Variants in LRFN5 observed in about 807,000 individuals in gnomAD.
LRFN5 encodes leucine-rich repeat and fibronectin type-III domain-containing protein 5.
LRFN5 carries 24 observed loss-of-function variants against 45.6 expected under a neutral mutation model. The ratio of observed to expected loss-of-function variants is 0.53; its 90% CI spans 0.38 to 0.74. LRFN5 has a LOEUF of 0.74. Among genes scored for constraint, LRFN5 ranks in the 30% least tolerant of loss-of-function variants. The pLI is 0.00. For synonymous variants in LRFN5, 340 were observed against 313.8 expected (o/e 1.08, Z -0.88); for missense variants, 776 against 861.5 (o/e 0.90, Z 1.24).
At chr14:41,797,921 G>T (rs1356872628) in intron 2 of LRFN5, among the ~76,000 whole-genome samples, 2 of 151,442 alleles carry the variant, frequency 1.3e-5, no homozygotes, top group South Asian at 2.1e-4. Flanking sequence ...AAATTTGTTG[G>T]TTTTATTTTT....
chr14:41,819,013 A>G (rs1888020369), intron 2 of LRFN5, among the ~76,000 whole-genome samples: 1 of 152,104 alleles, frequency 6.6e-6, no homozygotes, highest in African/African-American at 2.4e-5. Flanking sequence ...TTTTTGAGTT[A>G]TTTTACTTAA....
At chr14:41,662,571 A>T (rs527527019) in intron 1 of LRFN5, among the ~76,000 whole-genome samples, 3 of 152,086 alleles carry the variant, frequency 2.0e-5, no homozygotes, top group South Asian at 2.1e-4. Flanking sequence ...GAGGATAATT[A>T]AAAAAATATG....
At chr14:41,631,471 C>G (rs1257053980) in intron 1 of LRFN5, among the ~76,000 whole-genome samples, 1 of 151,856 alleles carries the variant, frequency 6.6e-6, no homozygotes, top group African/African-American at 2.4e-5. Context: ...TCCCTATTAT[C>G]CAGAGCTTAC....
intron 4 of LRFN5, chr14:41,893,596 G>A: frequency 1.0e-6 from 1 of 985,316 alleles, no homozygotes; most frequent in Non-Finnish European, 1.2e-6. Flanking sequence ...AGTGAGGAAT[G>A]TGGAATCGTT....
chr14:41,708,726 T>TG (rs995024903), intron 1 of LRFN5, among the ~76,000 whole-genome samples: 14 of 151,748 alleles, frequency 9.2e-5, no homozygotes, highest in African/African-American at 3.4e-4. Flanking sequence ...TCCTTTTTTT[T>TG]TTTACGTTTT....
At chr14:41,880,919 T>C (rs774251454) in intron 2 of LRFN5, among the ~76,000 whole-genome samples, 2 of 152,222 alleles carry the variant, frequency 1.3e-5, no homozygotes, top group Non-Finnish European at 2.9e-5. Context: ...TTTTCTAATT[T>C]ATAGCCACAT....
intron 2 of LRFN5, among the ~76,000 whole-genome samples, chr14:41,769,325 T>C (rs1885997457): frequency 6.6e-6 from 1 of 152,194 alleles, no homozygotes. Context: ...TTTTTCTCAC[T>C]CTGGCATTTC....
chr14:41,669,201 A>T (rs1465760844), intron 1 of LRFN5, among the ~76,000 whole-genome samples: 1 of 151,986 alleles, frequency 6.6e-6, no homozygotes, highest in East Asian at 1.9e-4. Context: ...TTACTAATAT[A>T]AGAGGAAAAC....
chr14:41,683,681 A>C (rs1175749527), intron 1 of LRFN5, among the ~76,000 whole-genome samples: 1 of 152,188 alleles, frequency 6.6e-6, no homozygotes, highest in East Asian at 1.9e-4. Flanking sequence ...AAATCACCAA[A>C]GTAACCTCAT....
intron 1 of LRFN5, among the ~76,000 whole-genome samples, chr14:41,647,792 T>G (rs1879888963): frequency 1.3e-5 from 2 of 152,016 alleles, no homozygotes; most frequent in Non-Finnish European, 2.9e-5. Flanking sequence ...GTTTTTGAAG[T>G]GATTGGATGA....
chr14:41,735,670 T>A (rs1884396387), intron 1 of LRFN5, among the ~76,000 whole-genome samples: 3 of 152,156 alleles, frequency 2.0e-5, no homozygotes, highest in Non-Finnish European at 2.9e-5. Flanking sequence ...GTTTGTTATA[T>A]AGGAATACAA....
chr14:41,781,739 T>A (rs1886536559), intron 2 of LRFN5, among the ~76,000 whole-genome samples: 2 of 146,026 alleles, frequency 1.4e-5, no homozygotes, highest in South Asian at 2.2e-4. Context: ...AGGAAGGAAG[T>A]TATAGTTTTT....
intron 1 of LRFN5, among the ~76,000 whole-genome samples, chr14:41,693,628 G>T (rs1234786794): frequency 6.6e-6 from 1 of 151,864 alleles, no homozygotes; most frequent in East Asian, 1.9e-4. Flanking sequence ...GTATTGAAAT[G>T]TTGTTGGCTT....
chr14:41,850,720 C>G (rs1354880224), intron 2 of LRFN5, among the ~76,000 whole-genome samples: 4 of 151,782 alleles, frequency 2.6e-5, no homozygotes. Context: ...TGATCTCAGT[C>G]TGTTATAGGA....
intron 1 of LRFN5, among the ~76,000 whole-genome samples, chr14:41,706,528 G>A (rs73297727): frequency 6.6e-6 from 1 of 151,880 alleles, no homozygotes; most frequent in African/African-American, 2.4e-5. Context: ...TATATTGTCA[G>A]TCTGACTTTT....
chr14:41,856,677 T>TATTATTATTATTTTTTA (rs1555326983), intron 2 of LRFN5, among the ~76,000 whole-genome samples: 1 of 14,362 alleles, frequency 7.0e-5, no homozygotes, highest in African/African-American at 1.6e-4. Flanking sequence ...TTATTATTAT[T>TATTATTATTATTTTTTA]TTTTTTTTTT....
At chr14:41,903,260 T>C (rs1013936291) in intron 5 of LRFN5, among the ~76,000 whole-genome samples, 3 of 151,346 alleles carry the variant, frequency 2.0e-5, no homozygotes, top group Non-Finnish European at 3.0e-5. Context: ...CATAAAATTA[T>C]CTAAAGATAT....
chr14:41,867,301 A>G (rs1029903739), intron 2 of LRFN5, among the ~76,000 whole-genome samples: 2 of 152,116 alleles, frequency 1.3e-5, no homozygotes, highest in African/African-American at 2.4e-5. Context: ...TAATACCTAC[A>G]TAAGAGTGTC....
chr14:41,901,985 G>A (rs1285622064), intron 5 of LRFN5, among the ~76,000 whole-genome samples: 1 of 151,896 alleles, frequency 6.6e-6, no homozygotes, highest in Non-Finnish European at 1.5e-5. Context: ...TTTTAAAAAA[G>A]GAGAGCCTTT....
Sources: allele counts gnomAD v4.1 joint callset (sites outside exome capture counted in the v4.1 genomes callset), GRCh38; gene constraint gnomAD v4.1.1; transcripts MANE v1.5; gene names NCBI Gene and HGNC (gene_info 2026-07-23, HGNC 2026-07-21).